The following TRPM3 variants were observed in gnomAD, a reference collection of about 807,000 sequenced individuals.
TRPM3 encodes the protein transient receptor potential cation channel subfamily M member 3.
TRPM3 carries 77 observed loss-of-function variants against 181.2 expected under a neutral mutation model. That is an observed-to-expected ratio of 0.42 (90% CI 0.35 to 0.51). The LOEUF is 0.51. TRPM3 is among the 20% of genes least tolerant of loss of function. The probability of loss-of-function intolerance (pLI) is 0.01; values close to 1 mark genes in which losing one functional copy is unlikely to be tolerated. For missense variants in TRPM3, 1,759 were observed against 2,196.7 expected, an observed-to-expected ratio of 0.80 and a Z score of 3.98; for synonymous variants, 745 against 796.4, an observed-to-expected ratio of 0.94 and a Z score of 1.09.
intron 1 of TRPM3, among the ~76,000 whole-genome samples, chr9:71,441,630 CTT>C (rs559254034): frequency 8.7e-5 from 10 of 114,574 alleles, no homozygotes; most frequent in African/African-American, 3.0e-4. Flanking sequence ...TTTGACTCGG[CTT>C]TTTTTTTTTT....
At chr9:71,019,083 TAAGAG>T (rs1215852162) in intron 1 of TRPM3, among the ~76,000 whole-genome samples, 3 of 151,858 alleles carry the variant, frequency 2.0e-5, no homozygotes, top group African/African-American at 7.2e-5. Flanking sequence ...CAACTAAGAA[TAAGAG>T]AAAATTTCTT....
intron 6 of TRPM3, among the ~76,000 whole-genome samples, chr9:70,784,845 T>C (rs190613716): frequency 2.5e-4 from 38 of 152,242 alleles, no homozygotes; most frequent in African/African-American, 6.7e-4. Flanking sequence ...TCTTTGACCA[T>C]AGATGATCAG....
chr9:70,799,336 C>A (rs2088202900), intron 6 of TRPM3, among the ~76,000 whole-genome samples: 1 of 152,190 alleles, frequency 6.6e-6, no homozygotes, highest in South Asian at 2.1e-4. Context: ...AATGATTATT[C>A]TGGATCTAGT....
intron 1 of TRPM3, among the ~76,000 whole-genome samples, chr9:71,253,278 A>T (rs1395848527): frequency 6.6e-6 from 1 of 152,194 alleles, no homozygotes; most frequent in African/African-American, 2.4e-5. Flanking sequence ...CTCAAAGACA[A>T]ATGTTTATAG....
chr9:71,427,000 G>T (rs1457481228), intron 1 of TRPM3, among the ~76,000 whole-genome samples: 1 of 152,116 alleles, frequency 6.6e-6, no homozygotes, highest in Non-Finnish European at 1.5e-5. Flanking sequence ...TTAGACATTG[G>T]TAGTCAGCTA....
chr9:71,170,668 C>G (rs904298659), intron 1 of TRPM3, among the ~76,000 whole-genome samples: 9 of 152,312 alleles, frequency 5.9e-5, no homozygotes, highest in East Asian at 1.9e-4. Flanking sequence ...TATCACTTCT[C>G]CAATCAATAC....
intron 1 of TRPM3, among the ~76,000 whole-genome samples, chr9:70,995,698 T>C (rs1327011155): frequency 6.6e-6 from 1 of 152,198 alleles, no homozygotes; most frequent in African/African-American, 2.4e-5. Context: ...GTTCCTAGCA[T>C]CTTTCCAGAC....
At chr9:70,678,926 A>C (rs1302989631) in intron 9 of TRPM3, among the ~76,000 whole-genome samples, 1 of 152,264 alleles carries the variant, frequency 6.6e-6, no homozygotes, top group Non-Finnish European at 1.5e-5. Context: ...AGCAACTGAG[A>C]GCATTTCAAA....
At chr9:70,603,922 T>C (rs185607205) in intron 19 of TRPM3, among the ~76,000 whole-genome samples, 66 of 152,324 alleles carry the variant, frequency 4.3e-4, no homozygotes, top group Middle Eastern at 6.8e-3. Context: ...GGAAGACACA[T>C]GTAACACCTG....
At chr9:71,022,519 ACTCTAT>A (rs2097855132) in intron 1 of TRPM3, among the ~76,000 whole-genome samples, 1 of 151,946 alleles carries the variant, frequency 6.6e-6, no homozygotes, top group Non-Finnish European at 1.5e-5. Flanking sequence ...ACACAGCAAG[ACTCTAT>A]CTCTATAAAA....
intron 7 of TRPM3, chr9:70,776,399 G>C (rs996267971): frequency 1.4e-6 from 1 of 701,742 alleles, no homozygotes; most frequent in African/African-American, 1.8e-5. Flanking sequence ...ACCGTCATTC[G>C]CCATCAACTA....
chr9:71,253,871 G>A (rs562474672), intron 1 of TRPM3, among the ~76,000 whole-genome samples: 6 of 152,144 alleles, frequency 3.9e-5, no homozygotes, highest in Admixed American at 1.3e-4. Context: ...CTATTCAACC[G>A]CAAAAAAGAA....
chr9:70,696,780 C>A (rs1443334140), intron 8 of TRPM3, among the ~76,000 whole-genome samples: 1 of 152,034 alleles, frequency 6.6e-6, no homozygotes. Flanking sequence ...TAAACAATGA[C>A]AAATAAAGAA....
At chr9:70,865,575 C>G (rs1319808531) in intron 1 of TRPM3, 1 of 152,040 alleles carries the variant, frequency 6.6e-6, no homozygotes, top group Non-Finnish European at 1.5e-5. Context: ...GTTATAAGCC[C>G]CCATGTGTTG....
intron 18 of TRPM3, among the ~76,000 whole-genome samples, chr9:70,612,459 A>G (rs1405377814): frequency 1.3e-5 from 2 of 152,234 alleles, no homozygotes; most frequent in Non-Finnish European, 2.9e-5. Flanking sequence ...TTCTGGCTTA[A>G]AACCACTTTA....
At chr9:71,357,158 A>T (rs1224735974) in intron 1 of TRPM3, among the ~76,000 whole-genome samples, 1 of 152,184 alleles carries the variant, frequency 6.6e-6, no homozygotes, top group Non-Finnish European at 1.5e-5. Flanking sequence ...TTATTAAAAT[A>T]ATGAACATAC....
chr9:71,356,736 G>C (rs2132701085), intron 1 of TRPM3, among the ~76,000 whole-genome samples: 1 of 152,226 alleles, frequency 6.6e-6, no homozygotes, highest in Admixed American at 6.5e-5. Flanking sequence ...AAAATTGAGA[G>C]ATTTCTGCCA....
chr9:71,276,216 C>T (rs899443191), intron 1 of TRPM3, among the ~76,000 whole-genome samples: 3 of 152,040 alleles, frequency 2.0e-5, no homozygotes, highest in Non-Finnish European at 4.4e-5. Context: ...CTTCGTCAAC[C>T]GTACACACAA....
chr9:70,976,579 G>A (rs935973274), intron 1 of TRPM3, among the ~76,000 whole-genome samples: 5 of 152,162 alleles, frequency 3.3e-5, no homozygotes, highest in African/African-American at 9.7e-5. Context: ...ATTTAAGAAC[G>A]TATTCTAAGT....
Sources: gnomAD v4.1 joint callset for allele counts (sites outside exome capture counted in the v4.1 genomes callset) on GRCh38, gnomAD v4.1.1 for gene constraint, MANE v1.5 for transcripts, NCBI Gene and HGNC (gene_info 2026-07-23, HGNC 2026-07-21) for gene names.